The following ZNF527 variants were observed in gnomAD, a reference collection of about 807,000 sequenced individuals.
ZNF527 encodes zinc finger protein 527.
ZNF527 carries 5 observed loss-of-function variants against 13.5 expected under a neutral mutation model. The ratio of observed to expected loss-of-function variants is 0.37; its 90% CI spans 0.19 to 0.78. The LOEUF (loss-of-function observed/expected upper bound fraction) is 0.78. Ranked by LOEUF, ZNF527 falls within the 30% of genes least tolerant of loss-of-function variation. The pLI is 0.48. For missense variants in ZNF527, 628 were observed against 726.4 expected, an observed-to-expected ratio of 0.86 and a Z score of 1.56; for synonymous variants, 209 against 243.1, an observed-to-expected ratio of 0.86 and a Z score of 1.30.
intron 1 of ZNF527, among the ~76,000 whole-genome samples, chr19:37,373,255 C>T (rs2040573471): frequency 6.6e-6 from 1 of 152,082 alleles, no homozygotes; most frequent in Non-Finnish European, 1.5e-5. Flanking sequence ...GAGATTATGC[C>T]ACCGATTGTG....
At chr19:37,376,682 CAA>C (rs35179002) in intron 2 of ZNF527, among the ~76,000 whole-genome samples, 1 of 48,538 alleles carries the variant, frequency 2.1e-5, no homozygotes, top group Non-Finnish European at 3.9e-5. Flanking sequence ...ACTCCATCTC[CAA>C]AAAAAAAAAA....
intron 4 of ZNF527, among the ~76,000 whole-genome samples, chr19:37,387,928 T>G (rs531287444): frequency 1.3e-5 from 2 of 152,186 alleles, no homozygotes; most frequent in African/African-American, 4.8e-5. Context: ...CTTTCAGTCT[T>G]ATGAATACCA....
chr19:37,374,230 A>C lies in ZNF527; in HGVS notation c.32A>C (p.Gln11Pro), dbSNP rs2040581544. The change falls in exon 2 of 5, where the codon CAG becomes CCG. Residue 11 changes from glutamine to proline, a missense_variant and splice_region_variant. This residue lies in a region of ZNF527 where 33 missense variants were observed against 31.2 expected (regional missense o/e 1.06). Coordinates refer to ENST00000436120, the MANE Select transcript of ZNF527 (RefSeq NM_032453.2). MAVGLCKAMSQGLVTFRDVAL... is the reference protein window; with the variant it reads MAVGLCKAMSPGLVTFRDVAL... ...GTGGGGCTTTGTAAAGCCATGTCCC[A>C]GGTAAGCATGCTCTTTCACTTTGTT... is the stretch of plus-strand genomic sequence containing the variant. 6.2e-7 allele frequency: 1 copy of C among 1,614,022 alleles called. No homozygotes were observed. Among genetic ancestry groups the C allele is most frequent in the Non-Finnish European group, 8.5e-7 (1 of 1,179,988 alleles).
In ZNF527 at chr19:37,377,584, A is replaced by G. The variant is rs191866992; in HGVS notation, c.34-1536A>G. Among the ~76,000 whole-genome samples the G allele has an allele frequency of 3.9e-5, 6 of 152,314 alleles. No individual in the cohort carries two copies. The East Asian group carries it at 9.6e-4, about 24-fold the overall frequency. On this transcript the variant is annotated intron_variant, in intron 2 of 4. Coordinates refer to ENST00000436120, the MANE Select transcript of ZNF527 (RefSeq NM_032453.2). ...GTTCTAGCAAGGCAATCAAAAGGCA[A>G]CTATTTAAAAGATATTATCAGGACA...
Position 37,374,334 on chromosome 19 carries a change from C to A in ZNF527, c.33+103C>A, listed in dbSNP as rs574500900. On this transcript the variant is annotated intron_variant, in intron 2 of 4. Transcript: ENST00000436120. ...AATAGCCCAATGAGCACCCCTTCCACTTCTCTCTCCACCTTTTGTTCATAT... is the reference window on the plus strand; with the variant it reads ...AATAGCCCAATGAGCACCCCTTCCAATTCTCTCTCCACCTTTTGTTCATAT... 4.9e-5 allele frequency: 49 copies of A among 1,002,724 alleles called. No individual in the cohort carries two copies. In the African/African-American group the frequency reaches 7.7e-4, roughly 16 times the overall value. The allele number at this position is 1,002,724 out of a possible 1,614,324, so 62.1% of individuals were successfully genotyped here. A position where few individuals can be genotyped will look rare whatever the true frequency, so the allele number is the denominator to read the frequency against.
At chr19:37,383,036 A>G (rs2040667618) in intron 4 of ZNF527, among the ~76,000 whole-genome samples, 1 of 152,022 alleles carries the variant, frequency 6.6e-6, no homozygotes, top group Non-Finnish European at 1.5e-5. Flanking sequence ...AGGAATTGCT[A>G]CATTCCCCTC....
rs373621035 is a variant in ZNF527, at chr19:37,389,576, T to A, written c.1527T>A (p.Asp509Glu). The part of the protein sequence containing the change: ...ECSKCGKAFS[D>E]ALVLIHHKRS... ...GTAAATGTGGGAAAGCCTTCAGTGATGCTTTAGTTCTAATTCACCATAAGA... is the reference window on the plus strand; with the variant it reads ...GTAAATGTGGGAAAGCCTTCAGTGAAGCTTTAGTTCTAATTCACCATAAGA... The change falls in exon 5 of 5, where the codon GAT becomes GAA. Residue 509 changes from aspartate (D) to glutamate (E), a missense_variant. This residue lies in a region of ZNF527 where 592 missense variants were observed against 678.0 expected (regional missense o/e 0.87). Coordinates refer to ENST00000436120, the MANE Select transcript of ZNF527 (RefSeq NM_032453.2). 3 of 1,614,142 alleles carry A rather than the reference T, an allele frequency of 1.9e-6. No homozygotes were observed. The highest frequency in any genetic ancestry group is 2.5e-6 in the Non-Finnish European group (3 of 1,180,024).
intron 4 of ZNF527, among the ~76,000 whole-genome samples, chr19:37,385,815 A>G (rs1010925878): frequency 4.6e-5 from 7 of 152,040 alleles, no homozygotes; most frequent in Admixed American, 6.6e-5. Flanking sequence ...CTCTCTTCCA[A>G]TTACTTACAT....
At chr19:37,371,548 T>C (rs1368517299) in intron 1 of ZNF527, among the ~76,000 whole-genome samples, 1 of 152,046 alleles carries the variant, frequency 6.6e-6, no homozygotes, top group Non-Finnish European at 1.5e-5. Flanking sequence ...GGGTGTGACA[T>C]TGTGTGTTTG....
At chr19:37,375,385 G>A (rs2040599277) in intron 2 of ZNF527, among the ~76,000 whole-genome samples, 1 of 122,938 alleles carries the variant, frequency 8.1e-6, no homozygotes, top group African/African-American at 3.0e-5. Flanking sequence ...TTTTTGAGAT[G>A]GAGTGTTGCT....
chr19:37,389,914 C>A lies in ZNF527; in HGVS notation c.*35C>A. ...GTATAGGAAAGAAAACATGTGGTTA[C>A]CACTCAATCCTTATTAAATATTAGT... On this transcript the variant is annotated 3_prime_UTR_variant, in exon 5 of 5. Transcript: ENST00000436120. 6.6e-7 allele frequency: 1 copy of A among 1,522,838 alleles called. No individual in the cohort carries two copies. The highest frequency in any genetic ancestry group is 8.7e-7 in the Non-Finnish European group (1 of 1,144,312). 94.3% of individuals were successfully genotyped at this position (1,522,838 alleles called of 1,614,324 possible).
intron 4 of ZNF527, chr19:37,384,901 G>C: frequency 2.9e-6 from 2 of 701,522 alleles, no homozygotes; most frequent in Middle Eastern, 4.6e-4. Context: ...GGAGTGCAGT[G>C]GCATGATCTT....
Position 37,380,259 on chromosome 19 carries a change from T to G in ZNF527, c.161-18T>G. On this transcript the variant is annotated intron_variant, in intron 3 of 4. Transcript: ENST00000436120. Reference sequence around the variant, plus strand: ...GTCTTTCTGTCTCTTGCTCTCATTTTTCTTCCCCTGTGAACAGGACTCTCC... The same window carrying G: ...GTCTTTCTGTCTCTTGCTCTCATTTGTCTTCCCCTGTGAACAGGACTCTCC... The G allele has an allele frequency of 6.2e-7, 1 of 1,613,338 alleles. No individual in the cohort carries two copies. The highest frequency in any genetic ancestry group is 8.5e-7 in the Non-Finnish European group (1 of 1,179,532).
chr19:37,387,213 G>A (rs182658039), intron 4 of ZNF527, among the ~76,000 whole-genome samples: 6 of 152,148 alleles, frequency 3.9e-5, no homozygotes, highest in East Asian at 1.9e-4. Flanking sequence ...AAAATAATCC[G>A]TAACCACATC....
intron 4 of ZNF527, among the ~76,000 whole-genome samples, chr19:37,380,703 AAGTAGT>A: frequency 6.6e-6 from 1 of 152,164 alleles, no homozygotes; most frequent in East Asian, 1.9e-4. Flanking sequence ...TTAAAGAATC[AAGTAGT>A]AGTATTAGGT....
chr19:37,373,290 G>A (rs1256833251), intron 1 of ZNF527, among the ~76,000 whole-genome samples: 1 of 152,148 alleles, frequency 6.6e-6, no homozygotes, highest in African/African-American at 2.4e-5. Flanking sequence ...TTTGTGATTG[G>A]GTGAGAATTT....
intron 4 of ZNF527, among the ~76,000 whole-genome samples, chr19:37,386,349 C>T (rs916721718): frequency 6.6e-6 from 1 of 152,108 alleles, no homozygotes; most frequent in African/African-American, 2.4e-5. Context: ...ACTGTGTTGG[C>T]CAGGCTGGCC....
chr19:37,379,432 C>G, intron 3 of ZNF527, 186 bp downstream of exon 3: 1 of 465,726 alleles, frequency 2.1e-6, no homozygotes. Context: ...TTACTTTTGG[C>G]AGACATTCTG....
chr19:37,378,372 A>G (rs2040624977), intron 2 of ZNF527, among the ~76,000 whole-genome samples: 1 of 152,130 alleles, frequency 6.6e-6, no homozygotes, highest in Admixed American at 6.6e-5. Flanking sequence ...CATACTGTAC[A>G]TACTGGAACC....
Sources: gnomAD v4.1 joint callset for allele counts (sites outside exome capture counted in the v4.1 genomes callset) on GRCh38, gnomAD v4.1.1 for gene constraint, gnomAD v4.1.1 regional missense constraint, MANE v1.5 for transcripts, NCBI Gene and HGNC (gene_info 2026-07-23, HGNC 2026-07-21) for gene names.